Variants in PRKN observed in about 807,000 individuals in gnomAD.
PRKN encodes E3 ubiquitin-protein ligase parkin.
A neutral mutation model predicts 59.5 loss-of-function variants in PRKN; 56 were observed. The observed-to-expected ratio is 0.94, with a 90% CI of 0.76 to 1.18. The LOEUF is 1.18. PRKN is among the 50% of genes most tolerant of loss of function. The pLI is 0.00. For missense variants in PRKN, 657 were observed against 596.4 expected, an observed-to-expected ratio of 1.10 and a Z score of -1.06; for synonymous variants, 250 against 222.1, an observed-to-expected ratio of 1.13 and a Z score of -1.12.
Position 162,069,920 on chromosome 6 carries a change from A to T in PRKN, c.535-15746T>A, listed in dbSNP as rs940323063. 2.6e-5 allele frequency among the ~76,000 whole-genome samples: 4 copies of T among 152,188 alleles called. No homozygotes were observed. In the East Asian group the frequency reaches 7.7e-4, roughly 29 times the overall value. On this transcript the variant is annotated intron_variant, in intron 4 of 11. Coordinates refer to ENST00000366898, the MANE Select transcript of PRKN (RefSeq NM_004562.3). The stretch of plus-strand genomic sequence containing the variant: ...GTATACAGGACGCAAGAGAGGCAAA[A>T]ATGATTTTTGTAAATTCCAGCCAGT...
intron 7 of PRKN, among the ~76,000 whole-genome samples, chr6:161,606,406 G>A (rs1333834464): frequency 1.3e-5 from 2 of 152,198 alleles, no homozygotes; most frequent in African/African-American, 2.4e-5. Context: ...ATTTTGACCA[G>A]TAGGGATGGT....
intron 4 of PRKN, among the ~76,000 whole-genome samples, chr6:162,192,287 A>C (rs1032479968): frequency 2.0e-5 from 3 of 152,172 alleles, no homozygotes; most frequent in African/African-American, 7.2e-5. Flanking sequence ...TTTACATAAA[A>C]AGTAAGTAAT....
chr6:162,236,655 C>T (rs1778735636), intron 3 of PRKN, among the ~76,000 whole-genome samples: 1 of 151,174 alleles, frequency 6.6e-6, no homozygotes. Context: ...ATTAACTGGG[C>T]ATGATGGCAC....
intron 2 of PRKN, among the ~76,000 whole-genome samples, chr6:162,282,187 C>G (rs1010732304): frequency 2.0e-5 from 3 of 152,122 alleles, no homozygotes; most frequent in African/African-American, 7.2e-5. Context: ...CATGAGTAAT[C>G]AAGGTCAAAG....
intron 2 of PRKN, among the ~76,000 whole-genome samples, chr6:162,434,606 T>C (rs1020642226): frequency 6.6e-6 from 1 of 152,198 alleles, no homozygotes; most frequent in Non-Finnish European, 1.5e-5. Flanking sequence ...AGTTATACTT[T>C]AACATAAACT....
In PRKN at chr6:161,584,131, T is replaced by C. The variant is rs987110531; in HGVS notation, c.872-14715A>G. ...ATTCATCTCTTCTTCCTTCCTGAGA[T>C]GAAGCTTGGCATCACTCCACTCTGA... is the stretch of plus-strand genomic sequence containing the variant. On this transcript the variant is annotated intron_variant, in intron 7 of 11. Coordinates refer to ENST00000366898, the MANE Select transcript of PRKN (RefSeq NM_004562.3). This position sits in a 1 kb window ranked among gnomAD's most constrained non-coding sequence, Gnocchi z 4.8. 9.2e-5 allele frequency among the ~76,000 whole-genome samples: 14 copies of C among 152,210 alleles called. No homozygotes were observed. The highest frequency in any genetic ancestry group is 3.1e-4 in the African/African-American group (13 of 41,450).
At chr6:162,012,303 G>A (rs557350337) in intron 5 of PRKN, among the ~76,000 whole-genome samples, 5 of 151,914 alleles carry the variant, frequency 3.3e-5, no homozygotes, top group Middle Eastern at 6.8e-3. Flanking sequence ...TTCACGTTTA[G>A]TTTATCTTCT....
At chr6:162,017,175 A>T (rs998581684) in intron 5 of PRKN, among the ~76,000 whole-genome samples, 13 of 152,170 alleles carry the variant, frequency 8.5e-5, no homozygotes, top group Admixed American at 8.5e-4. Context: ...TAGAACTTCC[A>T]TAGGGAGATA....
intron 6 of PRKN, among the ~76,000 whole-genome samples, chr6:161,843,702 A>G (rs1052922882): frequency 6.6e-6 from 1 of 152,210 alleles, no homozygotes. Context: ...AGGTAGAAAA[A>G]TTGCTTGAAC....
chr6:162,380,530 T>TAC (rs1334598562), intron 2 of PRKN, among the ~76,000 whole-genome samples: 4 of 143,596 alleles, frequency 2.8e-5, no homozygotes, highest in Admixed American at 1.4e-4. Context: ...TATATGTATA[T>TAC]ATACATATAT....
At chr6:161,757,886 T>TATATATACAC (rs1416363617) in intron 7 of PRKN, among the ~76,000 whole-genome samples, 1 of 116,234 alleles carries the variant, frequency 8.6e-6, no homozygotes, top group African/African-American at 3.6e-5. Flanking sequence ...TATATATATA[T>TATATATACAC]ACACACACAC....
At chr6:162,213,979 C>A (rs921898958) in intron 3 of PRKN, among the ~76,000 whole-genome samples, 7 of 151,794 alleles carry the variant, frequency 4.6e-5, no homozygotes, top group African/African-American at 1.7e-4. Context: ...CCACTCATAC[C>A]CTTAGGAGGC....
chr6:162,229,410 G>T (rs145394985), intron 3 of PRKN, among the ~76,000 whole-genome samples: 70 of 152,184 alleles, frequency 4.6e-4, no homozygotes, highest in African/African-American at 1.7e-3. Flanking sequence ...TGACACAAGC[G>T]TCACCCACGC....
At position 161,819,535 on chromosome 6, in the gene PRKN, T is replaced by C. The variant is rs116813715; in HGVS notation, c.735-33627A>G. 6.1e-3 allele frequency among the ~76,000 whole-genome samples: 935 copies of C among 152,218 alleles called. 8 individuals carry two copies. The highest frequency in any genetic ancestry group is 0.021 in the African/African-American group (893 of 41,540). Reference sequence around the variant, plus strand: ...TAATAGCAAATAATGAGCATAAAAGTAACAAAGATTTATGTTAAACTCCTA... The same window carrying C: ...TAATAGCAAATAATGAGCATAAAAGCAACAAAGATTTATGTTAAACTCCTA... On this transcript the variant is annotated intron_variant, in intron 6 of 11. Transcript: ENST00000366898.
chr6:161,445,450 C>T lies in PRKN; in HGVS notation c.1084-58573G>A, dbSNP rs9458259. Among the ~76,000 whole-genome samples, 1,535 of 152,288 alleles carry T rather than the reference C, an allele frequency of 0.01. 26 individuals are homozygous for T. The highest frequency in any genetic ancestry group is 0.034 in the African/African-American group (1,416 of 41,562). ...GAGGCCCACCCTCCCCTTTCTCCTA[C>T]ACATGGACACCTCTGAGTGGAATAA... On this transcript the variant is annotated intron_variant, in intron 9 of 11. Transcript: ENST00000366898. The surrounding 1 kb of genome is among the most constrained non-coding windows in gnomAD (Gnocchi z 7.7).
intron 1 of PRKN, among the ~76,000 whole-genome samples, chr6:162,460,012 AG>A (rs1366447976): frequency 2.6e-5 from 4 of 152,218 alleles, no homozygotes; most frequent in Admixed American, 2.6e-4. Context: ...TTCTACTCCT[AG>A]GCTATATACT....
chr6:162,649,027 C>T (rs1355737848), intron 1 of PRKN, among the ~76,000 whole-genome samples: 1 of 152,184 alleles, frequency 6.6e-6, no homozygotes, highest in Non-Finnish European at 1.5e-5. Context: ...CCTGTCTGAG[C>T]TTCCAGTCTG....
At position 161,499,007 on chromosome 6, in the gene PRKN, G is replaced by A. The variant is rs1353793579; in HGVS notation, c.1083+49847C>T. Among the ~76,000 whole-genome samples, 1 of 152,008 alleles carries A rather than the reference G, an allele frequency of 6.6e-6. No individual in the cohort carries two copies. The highest frequency in any genetic ancestry group is 2.4e-5 in the African/African-American group (1 of 41,376). Reference sequence around the variant, plus strand: ...AAGCCCCCGATGCTTTGCAACCTCCGCACATTTCTCAGAACTCAGGCTGAA... The same window carrying A: ...AAGCCCCCGATGCTTTGCAACCTCCACACATTTCTCAGAACTCAGGCTGAA... On this transcript the variant is annotated intron_variant, in intron 9 of 11. Transcript: ENST00000366898. This position sits in a 1 kb window ranked among gnomAD's most constrained non-coding sequence, Gnocchi z 4.2.
At chr6:161,663,338 CTG>C (rs1318971405) in intron 7 of PRKN, among the ~76,000 whole-genome samples, 1 of 152,098 alleles carries the variant, frequency 6.6e-6, no homozygotes, top group African/African-American at 2.4e-5. Context: ...TCTGACCACT[CTG>C]TGTCTTTGTT....
Sources: gnomAD v4.1 joint callset for allele counts (sites outside exome capture counted in the v4.1 genomes callset) on GRCh38, gnomAD v4.1.1 for gene constraint, Gnocchi (gnomAD v3.1) non-coding constraint, MANE v1.5 for transcripts, NCBI Gene and HGNC (gene_info 2026-07-23, HGNC 2026-07-21) for gene names.